Variants in PRKN observed in about 807,000 individuals in gnomAD.
PRKN encodes the protein parkin RBR E3 ubiquitin protein ligase.
In PRKN, 56 loss-of-function variants were observed where a neutral mutation model predicts 59.5. That is an observed-to-expected ratio of 0.94 (90% CI 0.76 to 1.18). The LOEUF (loss-of-function observed/expected upper bound fraction) is 1.18. PRKN is among the 50% of genes most tolerant of loss of function. PRKN has a pLI of 0.00. For missense variants in PRKN, 657 were observed against 596.4 expected (o/e 1.10, Z -1.06); for synonymous variants, 250 against 222.1 (o/e 1.13, Z -1.12).
intron 5 of PRKN, among the ~76,000 whole-genome samples, chr6:162,003,176 A>T (rs1443349570): frequency 6.7e-6 from 1 of 149,666 alleles, no homozygotes; most frequent in Non-Finnish European, 1.5e-5. Flanking sequence ...ATCATACAGA[A>T]AAACCTTCCC....
intron 2 of PRKN, among the ~76,000 whole-genome samples, chr6:162,283,476 AATGGT>A (rs1781017782): frequency 1.3e-5 from 2 of 152,150 alleles, no homozygotes; most frequent in Admixed American, 1.3e-4. Context: ...GGATTAAGGA[AATGGT>A]ATGAGTTTTT....
intron 7 of PRKN, among the ~76,000 whole-genome samples, chr6:161,675,669 A>G (rs2128170455): frequency 6.6e-6 from 1 of 152,188 alleles, no homozygotes; most frequent in East Asian, 1.9e-4. Context: ...TTTTCTCCTC[A>G]TTATATTCCC....
chr6:162,691,504 C>G (rs1299111854), intron 1 of PRKN, among the ~76,000 whole-genome samples: 2 of 152,074 alleles, frequency 1.3e-5, no homozygotes. Context: ...ATATGTACCT[C>G]CCATTCTGTG....
intron 1 of PRKN, among the ~76,000 whole-genome samples, chr6:162,618,099 A>G (rs1782506471): frequency 6.6e-6 from 1 of 152,214 alleles, no homozygotes; most frequent in Non-Finnish European, 1.5e-5. Flanking sequence ...TTATACTTTC[A>G]TGTGAATAAA....
At position 162,414,275 on chromosome 6, in the gene PRKN, A is replaced by G. The variant is rs1788497449; in HGVS notation, c.171+29035T>C. ...CTCCATAATACAAACAAAACTTTAAAAGGGTGATGACTGATTCCAGATTAC... is the reference window on the plus strand; with the variant it reads ...CTCCATAATACAAACAAAACTTTAAGAGGGTGATGACTGATTCCAGATTAC... On this transcript the variant is annotated intron_variant, in intron 2 of 11. Coordinates refer to ENST00000366898, the MANE Select transcript of PRKN (RefSeq NM_004562.3). 2.0e-5 allele frequency among the ~76,000 whole-genome samples: 3 copies of G among 152,150 alleles called. No homozygotes were observed. The South Asian group carries it at 6.2e-4, about 32-fold the overall frequency.
At chr6:162,404,186 C>T (rs1374200799) in intron 2 of PRKN, among the ~76,000 whole-genome samples, 1 of 151,692 alleles carries the variant, frequency 6.6e-6, no homozygotes, top group Non-Finnish European at 1.5e-5. Flanking sequence ...CCTGACCAAC[C>T]TGGTGAAACC....
At chr6:161,913,431 G>A (rs1778441920) in intron 6 of PRKN, among the ~76,000 whole-genome samples, 1 of 152,102 alleles carries the variant, frequency 6.6e-6, no homozygotes, top group African/African-American at 2.4e-5. Context: ...ATATGTTCAA[G>A]CTCACTCAAT....
At chr6:161,981,519 A>G (rs1781256489) in intron 5 of PRKN, among the ~76,000 whole-genome samples, 1 of 152,132 alleles carries the variant, frequency 6.6e-6, no homozygotes, top group Admixed American at 6.6e-5. Context: ...GTCTTTAAAA[A>G]CAAACAGAAA....
At chr6:162,346,435 GT>G (rs1784407125) in intron 2 of PRKN, among the ~76,000 whole-genome samples, 1 of 146,960 alleles carries the variant, frequency 6.8e-6, no homozygotes, top group Non-Finnish European at 1.5e-5. Context: ...GGGCAACATA[GT>G]GAAAAATCTG....
intron 2 of PRKN, among the ~76,000 whole-genome samples, chr6:162,304,367 A>T (rs1427587668): frequency 6.6e-6 from 1 of 150,930 alleles, no homozygotes; most frequent in Admixed American, 6.6e-5. Flanking sequence ...TGGCCTAAAA[A>T]TGTTACCTTT....
At chr6:162,249,488 A>G (rs775797183) in intron 3 of PRKN, among the ~76,000 whole-genome samples, 1 of 152,198 alleles carries the variant, frequency 6.6e-6, no homozygotes, top group Non-Finnish European at 1.5e-5. Context: ...CAGGTTTACT[A>G]CCTGGCTATT....
intron 6 of PRKN, among the ~76,000 whole-genome samples, chr6:161,908,650 T>C (rs896636671): frequency 3.6e-5 from 5 of 137,626 alleles, no homozygotes; most frequent in African/African-American, 1.4e-4. Flanking sequence ...ACAAAATCAG[T>C]GAAGTTCTTT....
rs1391478299 is a variant in PRKN at position 161,467,597 on chromosome 6, AAGG to A, written c.1084-80723_1084-80721del. 2.0e-5 allele frequency among the ~76,000 whole-genome samples: 3 copies of A among 152,174 alleles called. No individual in the cohort carries two copies. The highest frequency in any genetic ancestry group is 1.3e-4 in the Admixed American group (2 of 15,276). On this transcript the variant is annotated intron_variant, in intron 9 of 11. Transcript: ENST00000366898. The surrounding 1 kb of genome is among the most constrained non-coding windows in gnomAD (Gnocchi z 4.3). ...GCAGGTTGAGAGGTGCTGAGCCTAA[AAGG>A]AGGATACAGGGAAGGCTTCCTGGAG...
intron 1 of PRKN, among the ~76,000 whole-genome samples, chr6:162,514,705 G>A (rs1777771539): frequency 6.6e-6 from 1 of 152,174 alleles, no homozygotes; most frequent in Non-Finnish European, 1.5e-5. Flanking sequence ...CAAGATGGGA[G>A]GATCACTTAA....
chr6:161,794,748 C>T (rs1790770329), intron 6 of PRKN, among the ~76,000 whole-genome samples: 1 of 152,142 alleles, frequency 6.6e-6, no homozygotes, highest in African/African-American at 2.4e-5. Flanking sequence ...CCTTATTCCC[C>T]CCAAAACTAC....
intron 5 of PRKN, among the ~76,000 whole-genome samples, chr6:161,981,132 T>C (rs1781244391): frequency 6.6e-6 from 1 of 152,194 alleles, no homozygotes; most frequent in South Asian, 2.1e-4. Context: ...ATTCTCACAG[T>C]TACCAAGTTA....
At chr6:161,943,448 T>C (rs1001951905) in intron 6 of PRKN, among the ~76,000 whole-genome samples, 2 of 152,266 alleles carry the variant, frequency 1.3e-5, no homozygotes, top group African/African-American at 4.8e-5. Context: ...AGACATGAAA[T>C]GTAATATGTG....
chr6:162,467,252 G>A (rs1402952113), intron 1 of PRKN, among the ~76,000 whole-genome samples: 3 of 151,944 alleles, frequency 2.0e-5, no homozygotes, highest in East Asian at 1.9e-4. Context: ...AGATTTATTC[G>A]TTTTGTTCAC....
chr6:161,894,981 C>T (rs1433011787), intron 6 of PRKN, among the ~76,000 whole-genome samples: 1 of 152,160 alleles, frequency 6.6e-6, no homozygotes, highest in Non-Finnish European at 1.5e-5. Flanking sequence ...GATGTTATTT[C>T]TGAAGATCTG....
Sources: gnomAD v4.1 joint callset for allele counts (sites outside exome capture counted in the v4.1 genomes callset) on GRCh38, gnomAD v4.1.1 for gene constraint, Gnocchi (gnomAD v3.1) non-coding constraint, MANE v1.5 for transcripts, NCBI Gene and HGNC (gene_info 2026-07-23, HGNC 2026-07-21) for gene names.